The following XPC variants were observed in gnomAD, a reference collection of about 807,000 sequenced individuals.
XPC encodes XPC complex subunit, DNA damage recognition and repair factor, also known as DNA repair protein complementing XP-C cells.
In XPC, 76 loss-of-function variants were observed where a neutral mutation model predicts 95.8. That is an observed-to-expected ratio of 0.79 (90% CI 0.66 to 0.96). The LOEUF (loss-of-function observed/expected upper bound fraction) is 0.96, where lower values mean the gene tolerates loss of function less well. XPC is among the 40% of genes least tolerant of loss of function. The pLI is 0.00. For synonymous variants in XPC, 442 were observed against 442.1 expected (o/e 1.00, Z 0.00); for missense variants, 1,146 against 1,179.8 (o/e 0.97, Z 0.42).
At chr3:14,159,388 C>T (rs769675444) in intron 8 of XPC, among the ~76,000 whole-genome samples, 1 of 152,158 alleles carries the variant, frequency 6.6e-6, no homozygotes, top group South Asian at 2.1e-4. Flanking sequence ...CCAATGAGTA[C>T]AGCATTTAGC....
At position 14,147,965 on chromosome 3, in the gene XPC, G is replaced by A. The variant is rs760802154; in HGVS notation, c.2457C>T (p.Asp819=). 3 of 1,600,940 alleles carry A rather than the reference G, an allele frequency of 1.9e-6. No individual in the cohort carries two copies. The highest frequency in any genetic ancestry group is 1.7e-5 in the Admixed American group (1 of 58,288). ...DGYIVCEEFK[D]VLLTAWENEQ... is the part of the protein sequence containing the mutation. ...CATTTTCCCAGGCAGTCAGGAGCACGTCTTTGAATTCCTCGCAGACGATGT... is the reference window on the plus strand; with the variant it reads ...CATTTTCCCAGGCAGTCAGGAGCACATCTTTGAATTCCTCGCAGACGATGT... Residue 819 remains aspartate, a synonymous_variant, in exon 14 of 16, where the codon GAC becomes GAT. Coordinates refer to ENST00000285021, the MANE Select transcript of XPC (RefSeq NM_004628.5).
chr3:14,178,469 C>T lies in XPC; in HGVS notation c.100G>A (p.Glu34Lys). The T allele has an allele frequency of 6.2e-7, 1 of 1,608,760 alleles. No individual in the cohort carries two copies. The highest frequency in any genetic ancestry group is 8.5e-7 in the Non-Finnish European group (1 of 1,177,748). Residue 34 changes from glutamate to lysine, a missense_variant, in exon 1 of 16, where the codon GAG becomes AAG. Transcript: ENST00000285021. ...KSKARREEEE[E>K]DAFEDEKPPK... The stretch of plus-strand genomic sequence containing the variant: ...GCCCGCTGGGCCTCGCTCTCACCCT[C>T]CTCCTCCTCCTCACGCCGGGCCTTG...
At chr3:14,146,529 C>T (rs547702777) in intron 15 of XPC, among the ~76,000 whole-genome samples, 3 of 152,310 alleles carry the variant, frequency 2.0e-5, no homozygotes, top group Non-Finnish European at 4.4e-5. Flanking sequence ...GCAAGATGCA[C>T]AGTTCAGCCC....
intron 11 of XPC, 24 bp downstream of exon 11, chr3:14,152,311 C>A (rs781461919): frequency 8.6e-5 from 138 of 1,607,150 alleles, no homozygotes; most frequent in Non-Finnish European, 1.2e-4. Flanking sequence ...CCACTCCCCA[C>A]AGGGACCCCC....
chr3:14,175,658 T>C (rs1380988745), intron 1 of XPC, among the ~76,000 whole-genome samples: 2 of 152,242 alleles, frequency 1.3e-5, no homozygotes, highest in East Asian at 3.8e-4. Flanking sequence ...AGAGGTGCTT[T>C]AGTAACACAA....
chr3:14,157,222 T>C (rs1695951786), intron 9 of XPC, among the ~76,000 whole-genome samples: 1 of 152,162 alleles, frequency 6.6e-6, no homozygotes, highest in Non-Finnish European at 1.5e-5. Context: ...AATGCACCCA[T>C]TTTACTTAGC....
rs3731164 is a variant in XPC, at chr3:14,148,174, T to C, written c.2421-173A>G. ...GTGCAGAAGGCAGGCCTGTGGAAGC[T>C]GGCACTGCCTCTTCCTCCCCAGATT... On this transcript the variant is annotated intron_variant, in intron 13 of 15. Transcript: ENST00000285021. The C allele has an allele frequency of 5.3e-3, 3,255 of 610,154 alleles. 82 individuals are homozygous for C. The African/African-American group carries it at 0.054, about 10-fold the overall frequency. The allele number at this position is 610,154 out of a possible 1,614,324, so 37.8% of individuals were successfully genotyped here.
At chr3:14,149,281 C>T (rs1574951005) in intron 11 of XPC, among the ~76,000 whole-genome samples, 1 of 152,018 alleles carries the variant, frequency 6.6e-6, no homozygotes, top group Non-Finnish European at 1.5e-5. Flanking sequence ...ACGGGGGTTT[C>T]ACCATGTTGG....
intron 2 of XPC, among the ~76,000 whole-genome samples, chr3:14,172,309 C>G (rs1696646419): frequency 6.6e-6 from 1 of 152,138 alleles, no homozygotes; most frequent in African/African-American, 2.4e-5. Flanking sequence ...ACATATCACA[C>G]TCCCTAGAAG....
intron 2 of XPC, 38 bp from the exon 3 acceptor site, chr3:14,170,588 C>T: frequency 6.7e-7 from 1 of 1,499,682 alleles, no homozygotes; most frequent in Non-Finnish European, 9.1e-7. Context: ...GAAGAAGACT[C>T]AGACATCCTA....
At chr3:14,148,213 C>A in intron 13 of XPC, 1 of 586,938 alleles carries the variant, frequency 1.7e-6, no homozygotes, top group Non-Finnish European at 3.0e-6. Flanking sequence ...CCGAAGAAAG[C>A]TGGGGTGAAA....
intron 7 of XPC, 55 bp downstream of exon 7, chr3:14,164,758 A>C: frequency 6.4e-7 from 1 of 1,570,636 alleles, no homozygotes. Flanking sequence ...CATGGCTGCC[A>C]TTATCATTAG....
In XPC at chr3:14,148,800, G is replaced by A; in HGVS notation, c.2250+14C>T. Reference sequence around the variant, plus strand: ...AGGCGGCCTGGTCCTGAGCCCTTCTGATGCTGCCCTTACCTTCCCGTCCAC... The same window carrying A: ...AGGCGGCCTGGTCCTGAGCCCTTCTAATGCTGCCCTTACCTTCCCGTCCAC... On this transcript the variant is annotated intron_variant, in intron 12 of 15. Coordinates refer to ENST00000285021, the MANE Select transcript of XPC (RefSeq NM_004628.5). 3 of 1,613,832 alleles carry A rather than the reference G, an allele frequency of 1.9e-6. No homozygotes were observed. The highest frequency in any genetic ancestry group is 1.1e-5 in the South Asian group (1 of 91,070).
chr3:14,153,531 A>T (rs1695782264), intron 10 of XPC: 1 of 156,600 alleles, frequency 6.4e-6, no homozygotes, highest in Non-Finnish European at 1.4e-5. Flanking sequence ...AGGGAGGCTC[A>T]GCTAAGCTAT....
chr3:14,178,196 C>T (rs575477926), intron 1 of XPC, among the ~76,000 whole-genome samples: 1 of 152,390 alleles, frequency 6.6e-6, no homozygotes, highest in East Asian at 1.9e-4. Context: ...CAACCCTGAA[C>T]ATCTGTATCC....
chr3:14,154,507 C>A (rs1037496413), intron 10 of XPC, among the ~76,000 whole-genome samples: 20 of 86,844 alleles, frequency 2.3e-4, no homozygotes, highest in African/African-American at 1.1e-3. Flanking sequence ...TATGGATGAA[C>A]CCTGAGGCAT....
At position 14,147,345 on chromosome 3, in the gene XPC, A is replaced by C; in HGVS notation, c.2549T>G (p.Leu850Trp). Residue 850 changes from leucine to tryptophan, a missense_variant, in exon 15 of 16, where the codon TTG becomes TGG. Coordinates refer to ENST00000285021, the MANE Select transcript of XPC (RefSeq NM_004628.5). ...CCTGATGAGCAGACCTTTGGCCAGCAACTTCCAGTTCCCTAGAGCCCGCTT... is the reference window on the plus strand; with the variant it reads ...CCTGATGAGCAGACCTTTGGCCAGCCACTTCCAGTTCCCTAGAGCCCGCTT... ...KEKRALGNWK[L>W]LAKGLLIRER... 1 of 1,611,958 alleles carries C rather than the reference A, an allele frequency of 6.2e-7. No homozygotes were observed. Among genetic ancestry groups the C allele is most frequent in the Non-Finnish European group, 8.5e-7 (1 of 1,179,098 alleles).
chr3:14,168,158 T>C (rs1696460420), intron 4 of XPC, 99 bp downstream of exon 4: 3 of 1,436,130 alleles, frequency 2.1e-6, no homozygotes, highest in Non-Finnish European at 2.8e-6. Context: ...ACTTTGATAC[T>C]CAGTCCTGGT....
chr3:14,173,058 G>C lies in XPC; in HGVS notation c.108C>G (p.Ala36=). The C allele has an allele frequency of 6.3e-7, 1 of 1,575,568 alleles. No individual in the cohort carries two copies. Among genetic ancestry groups the C allele is most frequent in the Non-Finnish European group, 8.6e-7 (1 of 1,161,468 alleles). The change falls in exon 2 of 16, where the codon GCC becomes GCG. Residue 36 remains alanine (A), a synonymous_variant. Coordinates refer to ENST00000285021, the MANE Select transcript of XPC (RefSeq NM_004628.5). ...KARREEEEED[A]FEDEKPPKKS... ...TCTTTGGGGGTTTCTCATCTTCAAA[G>C]GCATCTAGGTGACAACACAGAACAT...
Sources: allele counts gnomAD v4.1 joint callset (sites outside exome capture counted in the v4.1 genomes callset), GRCh38; gene constraint gnomAD v4.1.1; transcripts MANE v1.5; gene names NCBI Gene and HGNC (gene_info 2026-07-23, HGNC 2026-07-21).